Variants in EMC3 observed in about 807,000 individuals in gnomAD.
EMC3 encodes 30 kDa protein.
EMC3 carries 13 observed loss-of-function variants against 36.6 expected under a neutral mutation model. The observed-to-expected ratio is 0.35, with a 90% confidence interval of 0.23 to 0.56. The LOEUF is 0.56. Ranked by LOEUF, EMC3 falls within the 20% of genes least tolerant of loss-of-function variation. The pLI, the probability that EMC3 is intolerant of heterozygous loss-of-function variation, is 0.84. For missense variants in EMC3, 220 were observed against 324.5 expected, an observed-to-expected ratio of 0.68 and a Z score of 2.47; for synonymous variants, 120 against 111.9, an observed-to-expected ratio of 1.07 and a Z score of -0.46.
intron 1 of EMC3, among the ~76,000 whole-genome samples, chr3:10,001,405 CAA>C (rs60785369): frequency 3.2e-3 from 251 of 79,638 alleles, no homozygotes; most frequent in African/African-American, 7.4e-3. Flanking sequence ...GCTAAAAATA[CAA>C]AAAAAAAAAA....
chr3:10,002,963 T>C, intron 1 of EMC3: 1 of 448,832 alleles, frequency 2.2e-6, no homozygotes, highest in South Asian at 1.6e-5. Flanking sequence ...CAACAAGCCT[T>C]CCAGTATCAG....
intron 1 of EMC3, among the ~76,000 whole-genome samples, chr3:9,980,989 G>A (rs974273609): frequency 6.6e-6 from 1 of 152,068 alleles, no homozygotes; most frequent in South Asian, 2.1e-4. Flanking sequence ...GAGCCCTGGA[G>A]CCCTGGAGTT....
chr3:9,976,021 G>C (rs1328880951), intron 3 of EMC3, among the ~76,000 whole-genome samples: 9 of 151,956 alleles, frequency 5.9e-5, no homozygotes, highest in Non-Finnish European at 1.2e-4. Flanking sequence ...TAAAATAGCT[G>C]GTTATCTCAC....
At chr3:9,990,474 AC>A (rs749860392), upstream of EMC3, among the ~76,000 whole-genome samples, 55 of 151,998 alleles carry the variant, frequency 3.6e-4, no homozygotes, top group Admixed American at 5.9e-4. Flanking sequence ...AGCTGGGACT[AC>A]AGGCAAGCAC....
rs71052282 is a variant in EMC3, at chr3:9,980,554, GT to G, written c.156-3109del. ...CAAACTTTTGTGTTTTGTTTTTTTT[GT>G]TTTTTTTTTTTTTGTAGAGACAGGG... On this transcript the variant is annotated intron_variant, in intron 1 of 7. Coordinates refer to ENST00000245046, the MANE Select transcript of EMC3 (RefSeq NM_001394674.1). Among the ~76,000 whole-genome samples, 771 of 130,886 alleles carry G rather than the reference GT, an allele frequency of 5.9e-3. 6 individuals are homozygous for G. Among genetic ancestry groups the G allele is most frequent in the East Asian group, 0.013 (56 of 4,392 alleles). 85.9% of individuals were successfully genotyped at this position (130,886 alleles called of 152,430 possible).
At chr3:10,000,025 G>C (rs1039891289) in intron 1 of EMC3, among the ~76,000 whole-genome samples, 1 of 151,894 alleles carries the variant, frequency 6.6e-6, no homozygotes, top group Non-Finnish European at 1.5e-5. Flanking sequence ...TTTTGTTGTT[G>C]TTGTTGTTTT....
chr3:9,994,113 A>G (rs1446396504), intron 1 of EMC3: 9 of 1,464,372 alleles, frequency 6.1e-6, no homozygotes, highest in Non-Finnish European at 6.6e-6. Flanking sequence ...CTGACATTCC[A>G]AAAGGATAAG....
upstream of EMC3, chr3:9,988,133 A>G: frequency 3.7e-6 from 2 of 547,782 alleles, no homozygotes; most frequent in South Asian, 4.0e-5. Flanking sequence ...TATGATATTT[A>G]CATCTAGTAT....
At chr3:9,964,313 A>G (rs2085716696) in intron 7 of EMC3, 116 bp from the exon 8 acceptor site, 2 of 1,453,486 alleles carry the variant, frequency 1.4e-6, no homozygotes, top group East Asian at 2.4e-5. Flanking sequence ...ATCTGCATGT[A>G]TAAGCTCATT....
In EMC3 at chr3:9,969,705, G is replaced by A. The variant is rs1460695239; in HGVS notation, c.657+14C>T. 6.2e-7 allele frequency: 1 copy of A among 1,614,150 alleles called. No homozygotes were observed. Among genetic ancestry groups the A allele is most frequent in the Non-Finnish European group, 8.5e-7 (1 of 1,180,030 alleles). ...CAGAGCATTGCTGCAGCTTTGAAAG[G>A]TGAAGGAGTATACCTTGAAAGCTTT... On this transcript the variant is annotated intron_variant, in intron 7 of 7. Coordinates refer to ENST00000245046, the MANE Select transcript of EMC3 (RefSeq NM_001394674.1).
chr3:10,004,563 A>C (rs2086243247), intron 1 of EMC3: 2 of 152,268 alleles, frequency 1.3e-5, no homozygotes, highest in Non-Finnish European at 2.9e-5. Context: ...AAGCGGGCTC[A>C]TAGCATTCAG....
At chr3:9,981,704 G>T in intron 1 of EMC3, 1 of 414,872 alleles carries the variant, frequency 2.4e-6, no homozygotes, top group Non-Finnish European at 4.7e-6. Context: ...CAAAGTGCTG[G>T]GATTATAGGT....
At chr3:10,003,056 A>T (rs1414669513) in intron 1 of EMC3, 1 of 456,458 alleles carries the variant, frequency 2.2e-6, no homozygotes, top group South Asian at 1.5e-5. Flanking sequence ...GCCGCCCAGC[A>T]TGACCCTGTG....
At chr3:9,991,363 T>G (rs2086049831), upstream of EMC3, among the ~76,000 whole-genome samples, 1 of 152,236 alleles carries the variant, frequency 6.6e-6, no homozygotes, top group Non-Finnish European at 1.5e-5. Flanking sequence ...TCTGCTCTCT[T>G]TCCCATTCCT....
intron 5 of EMC3, among the ~76,000 whole-genome samples, chr3:9,972,215 T>C (rs1054150120): frequency 6.8e-6 from 1 of 147,464 alleles, no homozygotes; most frequent in African/African-American, 2.6e-5. Flanking sequence ...TTATCATTAG[T>C]AGTAATGTAC....
At chr3:9,973,794 T>G in intron 4 of EMC3, 85 bp from the exon 5 acceptor site, 1 of 1,269,348 alleles carries the variant, frequency 7.9e-7, no homozygotes, top group South Asian at 1.2e-5. Context: ...AGGTGGGAAC[T>G]CTGTGCCACA....
At position 9,986,673 on chromosome 3, in the gene EMC3, G is replaced by C; in HGVS notation, c.-12C>G. Reference sequence around the variant, plus strand: ...TCTGGCCCTGCCATCTTCACTGAAAGCTGGTTCCCAGTCTGGAATGGGCGA... The same window carrying C: ...TCTGGCCCTGCCATCTTCACTGAAACCTGGTTCCCAGTCTGGAATGGGCGA... On this transcript the variant is annotated 5_prime_UTR_variant, in exon 1 of 8. Coordinates refer to ENST00000245046, the MANE Select transcript of EMC3 (RefSeq NM_001394674.1). 1 of 1,613,626 alleles carries C rather than the reference G, an allele frequency of 6.2e-7. No individual in the cohort carries two copies. Among genetic ancestry groups the C allele is most frequent in the Non-Finnish European group, 8.5e-7 (1 of 1,179,588 alleles).
Position 9,976,713 on chromosome 3 carries a change from C to G in EMC3, c.307+244G>C, listed in dbSNP as rs1171360770. Among the ~76,000 whole-genome samples the G allele has an allele frequency of 2.6e-5, 4 of 152,168 alleles. No homozygotes were observed. In the East Asian group the frequency reaches 7.7e-4, roughly 29 times the overall value. On this transcript the variant is annotated intron_variant, in intron 3 of 7. Transcript: ENST00000245046. ...CCAGGGACAATAGCTCTGGCCTCCC[C>G]ACTCCATCAGCTGAGAACTATTTTT...
upstream of EMC3, among the ~76,000 whole-genome samples, chr3:9,991,416 G>C (rs1300248470): frequency 6.6e-6 from 1 of 152,130 alleles, no homozygotes; most frequent in Non-Finnish European, 1.5e-5. Flanking sequence ...TCATATACAA[G>C]CTGTAATTGT....
Sources: allele counts gnomAD v4.1 joint callset (sites outside exome capture counted in the v4.1 genomes callset), GRCh38; gene constraint gnomAD v4.1.1; transcripts MANE v1.5; gene names NCBI Gene and HGNC (gene_info 2026-07-23, HGNC 2026-07-21).